The following CDH23 variants were observed in gnomAD, a reference collection of about 807,000 sequenced individuals.
CDH23 encodes cadherin related 23.
Under a neutral mutation model 317.1 loss-of-function variants are expected in CDH23, and 189 were observed. The observed-to-expected ratio is 0.60, with a 90% CI of 0.53 to 0.67. CDH23 has a LOEUF of 0.67. Among genes scored for constraint, CDH23 ranks in the 30% least tolerant of loss-of-function variants. The pLI is 0.00. For synonymous variants in CDH23, 1,839 were observed against 1,876.8 expected, an observed-to-expected ratio of 0.98 and a Z score of 0.52; for missense variants, 4,401 against 4,592.4, an observed-to-expected ratio of 0.96 and a Z score of 1.20.
chr10:71,746,503 C>T (rs1196153320), intron 38 of CDH23, among the ~76,000 whole-genome samples: 2 of 152,268 alleles, frequency 1.3e-5, no homozygotes, highest in Non-Finnish European at 2.9e-5. Context: ...GTGCCACTGG[C>T]CGGGGGAGTC....
chr10:71,780,934 G>A (rs999141983), intron 41 of CDH23, among the ~76,000 whole-genome samples: 29 of 152,150 alleles, frequency 1.9e-4, no homozygotes, highest in Non-Finnish European at 1.0e-4. Context: ...ATTGGCTGTG[G>A]GATGTGAGAG....
At chr10:71,462,649 G>T (rs1193069522) in intron 3 of CDH23, among the ~76,000 whole-genome samples, 1 of 152,224 alleles carries the variant, frequency 6.6e-6, no homozygotes, top group Non-Finnish European at 1.5e-5. Flanking sequence ...AGATGGAGCT[G>T]GTCAAGCATT....
At chr10:71,521,833 C>T (rs1454327344) in intron 6 of CDH23, among the ~76,000 whole-genome samples, 3 of 152,240 alleles carry the variant, frequency 2.0e-5, no homozygotes, top group Non-Finnish European at 4.4e-5. Flanking sequence ...CTTCTAAACC[C>T]GCCTCCCAGG....
chr10:71,785,841 C>T (rs1009147661), intron 44 of CDH23, 103 bp downstream of exon 44: 9 of 786,566 alleles, frequency 1.1e-5, no homozygotes, highest in East Asian at 8.0e-5. Context: ...CTTAGATGCA[C>T]AGGCTTTGGA....
intron 32 of CDH23, chr10:71,732,714 T>C (rs1410858471): frequency 1.6e-6 from 2 of 1,250,140 alleles, no homozygotes; most frequent in Admixed American, 3.8e-5. Context: ...AGATAAAGTT[T>C]ATACCTATGC....
chr10:71,579,380 C>T (rs896133928), intron 9 of CDH23, among the ~76,000 whole-genome samples: 2 of 152,090 alleles, frequency 1.3e-5, no homozygotes, highest in African/African-American at 4.8e-5. Context: ...TGGGCCTCTG[C>T]ACCACCCCCT....
At chr10:71,453,958 A>G (rs551751649) in intron 3 of CDH23, among the ~76,000 whole-genome samples, 103 of 152,324 alleles carry the variant, frequency 6.8e-4, no homozygotes, top group Non-Finnish European at 1.2e-3. Flanking sequence ...GGGGTGTTAG[A>G]CAATAATAAG....
At chr10:71,438,227 C>A (rs1314300241) in intron 1 of CDH23, among the ~76,000 whole-genome samples, 1 of 74,920 alleles carries the variant, frequency 1.3e-5, no homozygotes, top group Non-Finnish European at 3.5e-5. Flanking sequence ...CCTGTAATCC[C>A]AGCTACTCGG....
intron 9 of CDH23, among the ~76,000 whole-genome samples, chr10:71,581,584 A>G (rs1858639063): frequency 6.6e-6 from 1 of 152,220 alleles, no homozygotes; most frequent in Non-Finnish European, 1.5e-5. Context: ...TTTGCCAAGA[A>G]CAAAGAGGCC....
At chr10:71,466,261 TGC>T (rs1278439183) in intron 3 of CDH23, among the ~76,000 whole-genome samples, 3 of 152,220 alleles carry the variant, frequency 2.0e-5, no homozygotes, top group Non-Finnish European at 2.9e-5. Flanking sequence ...CATGTTAGTG[TGC>T]CTCTGCCCAC....
intron 1 of CDH23, among the ~76,000 whole-genome samples, chr10:71,409,297 C>A (rs374971220): frequency 7.2e-5 from 11 of 152,258 alleles, no homozygotes; most frequent in African/African-American, 2.6e-4. Context: ...GCTGGTGAAC[C>A]CCAGTACCTC....
At chr10:71,628,497 G>A (rs1291458961) in intron 11 of CDH23, among the ~76,000 whole-genome samples, 3 of 152,154 alleles carry the variant, frequency 2.0e-5, no homozygotes, top group African/African-American at 7.2e-5. Flanking sequence ...GTAATTGAGA[G>A]TGAGATAATT....
intron 11 of CDH23, among the ~76,000 whole-genome samples, chr10:71,640,739 G>A (rs1272263713): frequency 6.6e-6 from 1 of 152,132 alleles, no homozygotes; most frequent in Non-Finnish European, 1.5e-5. Context: ...GGGCGACCAA[G>A]CAAGACTCTG....
intron 3 of CDH23, among the ~76,000 whole-genome samples, chr10:71,453,122 G>C (rs1396529519): frequency 1.3e-5 from 2 of 152,176 alleles, no homozygotes; most frequent in Admixed American, 1.3e-4. Context: ...CACCCCAAAA[G>C]CATCTTAAGC....
intron 9 of CDH23, among the ~76,000 whole-genome samples, chr10:71,587,815 G>A (rs1868001): frequency 0.33 from 49,550 of 152,162 alleles, 8,790 homozygotes; most frequent in African/African-American, 0.46. Context: ...GCAGCCCCCA[G>A]CCGGGGCTAA....
At chr10:71,691,858 T>C (rs1350754658) in intron 20 of CDH23, among the ~76,000 whole-genome samples, 1 of 152,146 alleles carries the variant, frequency 6.6e-6, no homozygotes, top group Non-Finnish European at 1.5e-5. Flanking sequence ...CTTCAATCCC[T>C]TTTCCTGGAG....
At position 71,617,119 on chromosome 10, in the gene CDH23, G is replaced by T. The variant is rs1861227704; in HGVS notation, c.946-86G>T. 5 of 1,498,776 alleles carry T rather than the reference G, an allele frequency of 3.3e-6. No individual in the cohort carries two copies. In the South Asian group the frequency reaches 4.0e-5, roughly 12 times the overall value. The allele number at this position is 1,498,776 out of a possible 1,614,324, so 92.8% of individuals were successfully genotyped here. On this transcript the variant is annotated intron_variant, in intron 10 of 69. Coordinates refer to ENST00000224721, the MANE Select transcript of CDH23 (RefSeq NM_022124.6). Reference sequence around the variant, plus strand: ...GGATCATTCACATTGAGGCACAGTGGCTGGTGCTGAGAAAGTCTTTGGTAA... The same window carrying T: ...GGATCATTCACATTGAGGCACAGTGTCTGGTGCTGAGAAAGTCTTTGGTAA...
In CDH23 at chr10:71,815,367, G is replaced by T. The variant is rs1842101412; in HGVS notation, c.*89G>T. 3 of 1,277,784 alleles carry T rather than the reference G, an allele frequency of 2.3e-6. No homozygotes were observed. Among genetic ancestry groups the T allele is most frequent in the Non-Finnish European group, 2.1e-6 (2 of 946,264 alleles). 79.2% of individuals were successfully genotyped at this position (1,277,784 alleles called of 1,614,324 possible). On this transcript the variant is annotated 3_prime_UTR_variant, in exon 70 of 70. Transcript: ENST00000224721. ...GGCAGGGACAGGGCCGGTCGGGGGGGACCCTCCAAGGCCAGGCCTTGGGGA... is the reference window on the plus strand; with the variant it reads ...GGCAGGGACAGGGCCGGTCGGGGGGTACCCTCCAAGGCCAGGCCTTGGGGA...
intron 11 of CDH23, among the ~76,000 whole-genome samples, chr10:71,618,791 G>A (rs1244519959): frequency 1.3e-5 from 2 of 152,164 alleles, no homozygotes; most frequent in African/African-American, 4.8e-5. Flanking sequence ...GGGCACGTGG[G>A]CAAGTCAGTC....
Sources: allele counts gnomAD v4.1 joint callset (sites outside exome capture counted in the v4.1 genomes callset), GRCh38; gene constraint gnomAD v4.1.1; transcripts MANE v1.5; gene names NCBI Gene and HGNC (gene_info 2026-07-23, HGNC 2026-07-21).